The following RBFOX1 variants were observed in gnomAD, a reference collection of about 807,000 sequenced individuals.
The protein encoded by RBFOX1 is RNA binding fox-1 homolog 1.
Under a neutral mutation model 57.7 loss-of-function variants are expected in RBFOX1, and 8 were observed. That is an observed-to-expected ratio of 0.14 (90% CI 0.08 to 0.25). RBFOX1 has a LOEUF of 0.25. Among genes scored for constraint, RBFOX1 ranks in the 10% least tolerant of loss-of-function variants. RBFOX1 has a pLI of 1.00. For synonymous variants in RBFOX1, 326 were observed against 222.4 expected, an observed-to-expected ratio of 1.47 and a Z score of -4.15; for missense variants, 611 against 548.5, an observed-to-expected ratio of 1.11 and a Z score of -1.14.
At chr16:6,928,379 A>C (rs745705573) in intron 3 of RBFOX1, among the ~76,000 whole-genome samples, 1 of 152,166 alleles carries the variant, frequency 6.6e-6, no homozygotes, top group Non-Finnish European at 1.5e-5. Flanking sequence ...TTCTGGAGCC[A>C]ACAAAGGGCC....
chr16:7,159,822 G>C (rs1051563482), intron 4 of RBFOX1, among the ~76,000 whole-genome samples: 2 of 152,184 alleles, frequency 1.3e-5, no homozygotes. Flanking sequence ...TGTACCAACA[G>C]AATGTTGTAG....
chr16:6,849,375 A>G (rs921820240), intron 3 of RBFOX1, among the ~76,000 whole-genome samples: 7 of 152,204 alleles, frequency 4.6e-5, no homozygotes, highest in African/African-American at 7.2e-5. Flanking sequence ...TTTAGATAGA[A>G]CTGAAAGGCC....
rs183746130 is a variant in RBFOX1, at chr16:5,303,949, A to C, written c.219+63844A>C. ...AGTACCTGAGTTTGGATCCATAAAT[A>C]CAAAACAGGAAATCTTAAATGGAAC... On this transcript the variant is annotated intron_variant, in intron 1 of 2. Coordinates refer to the RBFOX1 transcript ENST00000585867. 3.3e-5 allele frequency among the ~76,000 whole-genome samples: 5 copies of C among 152,300 alleles called. No individual in the cohort carries two copies. The East Asian group carries it at 9.6e-4, about 29-fold the overall frequency.
At chr16:7,596,366 A>T (rs1353956321) in intron 8 of RBFOX1, among the ~76,000 whole-genome samples, 1 of 148,924 alleles carries the variant, frequency 6.7e-6, no homozygotes, top group Non-Finnish European at 1.5e-5. Context: ...ATATTTGTTA[A>T]TTTTTTTTTT....
chr16:7,602,505 T>C (rs2095082256), intron 9 of RBFOX1, among the ~76,000 whole-genome samples: 1 of 152,200 alleles, frequency 6.6e-6, no homozygotes, highest in African/African-American at 2.4e-5. Context: ...CCTGGGGACA[T>C]ACACAAACTG....
chr16:7,477,640 G>A (rs758450686), intron 4 of RBFOX1, among the ~76,000 whole-genome samples: 14 of 152,082 alleles, frequency 9.2e-5, no homozygotes, highest in African/African-American at 1.4e-4. Context: ...ACCTTATTAC[G>A]ATGGTAGTAA....
At chr16:5,598,932 C>T (rs77755109) in exon 3 of RBFOX1, 20,050 of 1,532,642 alleles carry the variant, frequency 0.013, 558 homozygotes, top group African/African-American at 0.11. Flanking sequence ...AACCCTCCTC[C>T]CCGGTGCCAA....
intron 1 of RBFOX1, among the ~76,000 whole-genome samples, chr16:5,294,651 C>G (rs979667381): frequency 1.1e-4 from 16 of 152,074 alleles, no homozygotes; most frequent in African/African-American, 3.4e-4. Flanking sequence ...TCTGAACACC[C>G]CTATGTTTCC....
At chr16:7,378,347 A>G (rs925292492) in intron 4 of RBFOX1, among the ~76,000 whole-genome samples, 2 of 152,120 alleles carry the variant, frequency 1.3e-5, no homozygotes, top group Non-Finnish European at 2.9e-5. Flanking sequence ...TTAGGGATTG[A>G]GAGTATGTGT....
At chr16:7,608,111 C>T (rs981763826) in intron 10 of RBFOX1, among the ~76,000 whole-genome samples, 2 of 152,164 alleles carry the variant, frequency 1.3e-5, no homozygotes, top group Non-Finnish European at 2.9e-5. Context: ...TGCCACATGG[C>T]TATTTAAAAG....
intron 1 of RBFOX1, among the ~76,000 whole-genome samples, chr16:5,395,654 T>C (rs537911523): frequency 2.0e-4 from 31 of 152,352 alleles, no homozygotes; most frequent in African/African-American, 7.5e-4. Flanking sequence ...CCGTTGCATG[T>C]GGATGGGACC....
chr16:5,733,706 C>A (rs2052466610), intron 3 of RBFOX1, among the ~76,000 whole-genome samples: 1 of 152,018 alleles, frequency 6.6e-6, no homozygotes, highest in Non-Finnish European at 1.5e-5. Context: ...TTCCTTCTCC[C>A]TTTCCCTCTT....
chr16:5,790,327 C>G (rs1463925281), intron 3 of RBFOX1, among the ~76,000 whole-genome samples: 2 of 152,052 alleles, frequency 1.3e-5, no homozygotes, highest in Non-Finnish European at 2.9e-5. Flanking sequence ...AAAGGCTTGC[C>G]AGAGGGAGAA....
At chr16:5,967,878 G>C (rs73518274) in intron 4 of RBFOX1, among the ~76,000 whole-genome samples, 3,823 of 152,158 alleles carry the variant, frequency 0.025, 160 homozygotes, top group African/African-American at 0.087. Flanking sequence ...TGGCTGTTTT[G>C]TTTTGTTTTG....
intron 2 of RBFOX1, among the ~76,000 whole-genome samples, chr16:6,653,669 A>G (rs1051335225): frequency 3.3e-5 from 5 of 149,612 alleles, no homozygotes. Context: ...GGGTGGGTGG[A>G]GGGATGAATG....
chr16:5,460,815 A>G (rs2068764199), intron 1 of RBFOX1, among the ~76,000 whole-genome samples: 1 of 152,250 alleles, frequency 6.6e-6, no homozygotes, highest in African/African-American at 2.4e-5. Flanking sequence ...AAGGAAAAGC[A>G]CAGAGATAAA....
At chr16:6,547,907 A>G (rs1007517157) in intron 2 of RBFOX1, among the ~76,000 whole-genome samples, 8 of 152,140 alleles carry the variant, frequency 5.3e-5, no homozygotes, top group Admixed American at 5.2e-4. Flanking sequence ...TGCTGACTAA[A>G]CCCCAGACTG....
chr16:5,750,327 A>T (rs1471575321), intron 3 of RBFOX1, among the ~76,000 whole-genome samples: 2 of 152,318 alleles, frequency 1.3e-5, no homozygotes, highest in South Asian at 4.1e-4. Flanking sequence ...AACGTACTTG[A>T]GGAGGCAGAC....
intron 3 of RBFOX1, among the ~76,000 whole-genome samples, chr16:5,638,267 G>C (rs1178601190): frequency 6.6e-6 from 1 of 152,192 alleles, no homozygotes; most frequent in Non-Finnish European, 1.5e-5. Flanking sequence ...ACAGGTGGAA[G>C]AGCCTGGGGT....
Sources: allele counts gnomAD v4.1 joint callset (sites outside exome capture counted in the v4.1 genomes callset), GRCh38; gene constraint gnomAD v4.1.1; transcripts MANE v1.5; gene names NCBI Gene and HGNC (gene_info 2026-07-23, HGNC 2026-07-21).